The following YAP1 variants were observed in gnomAD, a reference collection of about 807,000 sequenced individuals.
YAP1 encodes the protein transcriptional coactivator YAP1.
In YAP1, 5 loss-of-function variants were observed where a neutral mutation model predicts 56.9. The ratio of observed to expected loss-of-function variants is 0.09; its 90% CI spans 0.05 to 0.18. The LOEUF is 0.18. Among genes scored for constraint, YAP1 ranks in the 10% least tolerant of loss-of-function variants. The pLI, the probability that YAP1 is intolerant of heterozygous loss-of-function variation, is 1.00. For missense variants in YAP1, 539 were observed against 651.8 expected (o/e 0.83, Z 1.88); for synonymous variants, 265 against 248.1 (o/e 1.07, Z -0.64).
intron 2 of YAP1, among the ~76,000 whole-genome samples, chr11:102,141,354 G>A (rs544185312): frequency 2.6e-5 from 4 of 152,216 alleles, no homozygotes; most frequent in African/African-American, 9.6e-5. Context: ...TACCTGTTTT[G>A]GTGTCTTTAT....
chr11:102,110,782 C>T lies in YAP1; in HGVS notation c.-67C>T. 2 of 1,260,684 alleles carry T rather than the reference C, an allele frequency of 1.6e-6. No homozygotes were observed. Among genetic ancestry groups the T allele is most frequent in the Non-Finnish European group, 2.0e-6 (2 of 1,003,642 alleles). 78.1% of individuals were successfully genotyped at this position (1,260,684 alleles called of 1,614,324 possible). On this transcript the variant is annotated 5_prime_UTR_variant, in exon 1 of 9. Coordinates refer to ENST00000282441, the MANE Select transcript of YAP1 (RefSeq NM_001130145.3). ...CGCTTCTCCACCTCGGCCCGTGGAGCCGGGGCGTCCGGGCGTAGCCCTCGC... is the reference window on the plus strand; with the variant it reads ...CGCTTCTCCACCTCGGCCCGTGGAGTCGGGGCGTCCGGGCGTAGCCCTCGC...
intron 7 of YAP1, among the ~76,000 whole-genome samples, 158 bp downstream of exon 7, chr11:102,223,910 A>G (rs1950071498): frequency 6.6e-6 from 1 of 152,230 alleles, no homozygotes; most frequent in African/African-American, 2.4e-5. Flanking sequence ...TGCAGAGTTG[A>G]GGATTAAAAG....
At chr11:102,181,252 T>C (rs371366043) in intron 3 of YAP1, among the ~76,000 whole-genome samples, 21 of 151,830 alleles carry the variant, frequency 1.4e-4, no homozygotes, top group African/African-American at 4.8e-4. Flanking sequence ...GCGACAATCC[T>C]GGCTAACACG....
chr11:102,112,801 T>A, intron 1 of YAP1: 1 of 983,234 alleles, frequency 1.0e-6, no homozygotes. Flanking sequence ...TGTGGGTAAA[T>A]GTATGTTGGC....
rs542208892 is a variant in YAP1, at chr11:102,205,799, C to T, written c.803-94C>T. 31 of 1,282,904 alleles carry T rather than the reference C, an allele frequency of 2.4e-5. No homozygotes were observed. The African/African-American group carries it at 2.7e-4, about 11-fold the overall frequency. 79.5% of individuals were successfully genotyped at this position (1,282,904 alleles called of 1,614,324 possible). The stretch of plus-strand genomic sequence containing the variant: ...GTCTTCCTGCCCAAAAAAGTTACAT[C>T]GAATATCCCAAATTGCTTTTGAATA... On this transcript the variant is annotated intron_variant, in intron 4 of 8. Transcript: ENST00000282441.
intron 7 of YAP1, among the ~76,000 whole-genome samples, chr11:102,225,974 A>G (rs1303966370): frequency 6.6e-6 from 1 of 152,158 alleles, no homozygotes; most frequent in Admixed American, 6.5e-5. Flanking sequence ...CACCAGGAAA[A>G]TGGCCCTGTA....
intron 3 of YAP1, among the ~76,000 whole-genome samples, chr11:102,185,085 T>C (rs1422293321): frequency 1.3e-5 from 2 of 152,234 alleles, no homozygotes; most frequent in African/African-American, 2.4e-5. Flanking sequence ...ATTTTAGCCA[T>C]GTACTGACCA....
intron 2 of YAP1, among the ~76,000 whole-genome samples, chr11:102,135,018 A>G (rs1409737178): frequency 6.6e-6 from 1 of 152,158 alleles, no homozygotes; most frequent in Non-Finnish European, 1.5e-5. Flanking sequence ...AGCTGGGATT[A>G]AAGGTGCATG....
chr11:102,227,923 T>G (rs1225112311), intron 8 of YAP1, among the ~76,000 whole-genome samples: 1 of 151,194 alleles, frequency 6.6e-6, no homozygotes, highest in African/African-American at 2.4e-5. Context: ...CATACAAAAA[T>G]AAGTCAGCTG....
intron 3 of YAP1, among the ~76,000 whole-genome samples, chr11:102,175,879 A>C (rs1238765255): frequency 2.0e-5 from 3 of 152,230 alleles, no homozygotes; most frequent in South Asian, 4.1e-4. Context: ...TCTATATGTG[A>C]TCCATCATTG....
At chr11:102,147,337 T>C (rs1488051770) in intron 2 of YAP1, among the ~76,000 whole-genome samples, 1 of 152,208 alleles carries the variant, frequency 6.6e-6, no homozygotes, top group African/African-American at 2.4e-5. Flanking sequence ...AATTCTAGTC[T>C]CTATTCTGAT....
In YAP1 at chr11:102,170,248, C is replaced by T. The variant is rs530320296; in HGVS notation, c.688+7677C>T. Among the ~76,000 whole-genome samples, 7 of 152,278 alleles carry T rather than the reference C, an allele frequency of 4.6e-5. No individual in the cohort carries two copies. The South Asian group carries it at 1.0e-3, about 23-fold the overall frequency. Reference sequence around the variant, plus strand: ...ATGATTTTTACAGTATTAATTTCTTCATTCTTTGTTTAAAGAAACCCACAT... The same window carrying T: ...ATGATTTTTACAGTATTAATTTCTTTATTCTTTGTTTAAAGAAACCCACAT... On this transcript the variant is annotated intron_variant, in intron 3 of 8. Coordinates refer to ENST00000282441, the MANE Select transcript of YAP1 (RefSeq NM_001130145.3).
chr11:102,113,435 G>A (rs1943087887), intron 1 of YAP1, among the ~76,000 whole-genome samples: 1 of 152,122 alleles, frequency 6.6e-6, no homozygotes, highest in Non-Finnish European at 1.5e-5. Context: ...TCTGAATGCA[G>A]AATTTTTTCT....
intron 5 of YAP1, among the ~76,000 whole-genome samples, 185 bp from the exon 6 acceptor site, chr11:102,209,329 ACTT>A (rs571475270): frequency 1.1e-3 from 174 of 152,116 alleles, no homozygotes; most frequent in African/African-American, 4.0e-3. Flanking sequence ...GCTGTTAAAA[ACTT>A]CTGAGGTTCC....
At chr11:102,223,500 C>T in intron 6 of YAP1, 122 bp from the exon 7 acceptor site, 2 of 1,063,586 alleles carry the variant, frequency 1.9e-6, no homozygotes, top group East Asian at 2.6e-5. Context: ...AATGTATTAA[C>T]TTTAAAGTAG....
chr11:102,164,524 A>T (rs958244105), intron 3 of YAP1, among the ~76,000 whole-genome samples: 2 of 152,236 alleles, frequency 1.3e-5, no homozygotes, highest in African/African-American at 4.8e-5. Context: ...AGTTAATGAC[A>T]GATAACATTA....
chr11:102,189,841 C>T (rs11225158), intron 4 of YAP1, among the ~76,000 whole-genome samples: 14,503 of 152,176 alleles, frequency 0.095, 773 homozygotes, highest in South Asian at 0.2. Flanking sequence ...GTTGAGACTT[C>T]TTTTTCATCA....
At chr11:102,116,035 A>G (rs767722357) in intron 2 of YAP1, among the ~76,000 whole-genome samples, 15 of 152,126 alleles carry the variant, frequency 9.9e-5, no homozygotes, top group African/African-American at 1.4e-4. Flanking sequence ...CTTGTAGGTG[A>G]TACCTGCCTA....
chr11:102,191,896 C>T (rs367543907), intron 4 of YAP1, among the ~76,000 whole-genome samples: 26 of 152,136 alleles, frequency 1.7e-4, no homozygotes, highest in South Asian at 8.3e-4. Context: ...TGGTCTCAAA[C>T]CCCTGGGGCT....
Sources: gnomAD v4.1 joint callset for allele counts (sites outside exome capture counted in the v4.1 genomes callset) on GRCh38, gnomAD v4.1.1 for gene constraint, MANE v1.5 for transcripts, NCBI Gene and HGNC (gene_info 2026-07-23, HGNC 2026-07-21) for gene names.